The following HLA-E variants were observed in gnomAD, a reference collection of about 807,000 sequenced individuals.
HLA-E encodes the protein HLA class I histocompatibility antigen, alpha chain E.
In HLA-E, 25 loss-of-function variants were observed where a neutral mutation model predicts 43.4. The observed-to-expected ratio is 0.58, with a 90% CI of 0.42 to 0.80. The LOEUF is 0.80. Among genes scored for constraint, HLA-E ranks in the 30% least tolerant of loss-of-function variants. The pLI is 0.00. For synonymous variants in HLA-E, 161 were observed against 197.6 expected (o/e 0.81, Z 1.55); for missense variants, 343 against 470.0 (o/e 0.73, Z 2.50).
In HLA-E at chr6:30,489,844, C is replaced by A; in HGVS notation, c.183C>A (p.Ala61=). ...DTQFVRFDND[A]ASPRMVPRAP... is the part of the protein sequence containing the mutation. ...AGTTCGTGCGCTTCGACAACGACGC[C>A]GCGAGTCCGAGGATGGTGCCGCGGG... The change falls in exon 2 of 8, where the codon GCC becomes GCA. Residue 61 remains alanine (A), a synonymous_variant. Transcript: ENST00000376630. The surrounding 1 kb of genome is among the most constrained non-coding windows in gnomAD (Gnocchi z 5.6). 1 of 1,613,060 alleles carries A rather than the reference C, an allele frequency of 6.2e-7. No homozygotes were observed. The highest frequency in any genetic ancestry group is 8.5e-7 in the Non-Finnish European group (1 of 1,180,012).
At position 30,490,477 on chromosome 6, in the gene HLA-E, A is replaced by T; in HGVS notation, c.572A>T (p.Lys191Ile). ...GACACATGCGTGGAGTGGCTCCACA[A>T]ATACCTGGAGAAGGGGAAGGAGACG... ...LEDTCVEWLHKYLEKGKETLL... is the reference protein window; with the variant it reads ...LEDTCVEWLHIYLEKGKETLL... Residue 191 changes from lysine to isoleucine, a missense_variant, in exon 3 of 8, where the codon AAA (lysine) becomes ATA (isoleucine). Around this residue, in one of 3 missense-constraint regions of HLA-E, gnomAD observed 190 missense variants for 283.6 expected, o/e 0.67. Transcript: ENST00000376630. The surrounding 1 kb of genome is among the most constrained non-coding windows in gnomAD (Gnocchi z 6.6). 1 of 1,612,998 alleles carries T rather than the reference A, an allele frequency of 6.2e-7. No homozygotes were observed. Among genetic ancestry groups the T allele is most frequent in the Non-Finnish European group, 8.5e-7 (1 of 1,179,994 alleles).
rs183165297 is a variant in HLA-E at position 30,491,800 on chromosome 6, T to C, written c.1003+147T>C. On this transcript the variant is annotated intron_variant, in intron 5 of 7. Transcript: ENST00000376630. The surrounding 1 kb of genome is among the most constrained non-coding windows in gnomAD (Gnocchi z 5.4). The stretch of plus-strand genomic sequence containing the variant: ...GCCTGGGGCCCTGTGTGCCAGCACC[T>C]ACTCTTTTTTTTTGAGACGGAGTCT... 1.1e-3 allele frequency: 716 copies of C among 659,474 alleles called. 4 individuals are homozygous for C. The highest frequency in any genetic ancestry group is 0.01 in the African/African-American group (573 of 54,980). The allele number at this position is 659,474 out of a possible 1,614,324, so 40.9% of individuals were successfully genotyped here.
Position 30,492,972 on chromosome 6 carries a change from T to G in HLA-E, c.*226T>G. 3.6e-6 allele frequency: 1 copy of G among 278,592 alleles called. No individual in the cohort carries two copies. The highest frequency in any genetic ancestry group is 6.7e-6 in the Non-Finnish European group (1 of 149,714). 17.3% of individuals were successfully genotyped at this position (278,592 alleles called of 1,614,324 possible). A position where few individuals can be genotyped will look rare whatever the true frequency, so the allele number is the denominator to read the frequency against. On this transcript the variant is annotated 3_prime_UTR_variant, in exon 8 of 8. Transcript: ENST00000376630. This position sits in a 1 kb window ranked among gnomAD's most constrained non-coding sequence, Gnocchi z 4.5. ...ACCCCCTTCCTCACACTGACCTGTG[T>G]TCCTTCCCTGTTCTCTTTTCTATTA...
Position 30,492,800 on chromosome 6 carries a change from G to A in HLA-E, c.*54G>A, listed in dbSNP as rs995878044. ...TGAGATGCACAGCTGCCTTGTGTGCGACTGAGATGCAGGATTTCCTCACGC... is the reference window on the plus strand; with the variant it reads ...TGAGATGCACAGCTGCCTTGTGTGCAACTGAGATGCAGGATTTCCTCACGC... On this transcript the variant is annotated 3_prime_UTR_variant, in exon 8 of 8. Coordinates refer to ENST00000376630, the MANE Select transcript of HLA-E (RefSeq NM_005516.6). The surrounding 1 kb of genome is among the most constrained non-coding windows in gnomAD (Gnocchi z 4.5). 3.0e-6 allele frequency: 2 copies of A among 673,098 alleles called. No individual in the cohort carries two copies. The highest frequency in any genetic ancestry group is 1.8e-5 in the South Asian group (1 of 54,348). The allele number at this position is 673,098 out of a possible 1,614,324, so 41.7% of individuals were successfully genotyped here. A position where few individuals can be genotyped will look rare whatever the true frequency, so the allele number is the denominator to read the frequency against.
In HLA-E at chr6:30,491,018, G is replaced by A. The variant is rs1299497137; in HGVS notation, c.611-119G>A. 2.1e-6 allele frequency: 3 copies of A among 1,396,624 alleles called. No homozygotes were observed. The highest frequency in any genetic ancestry group is 2.9e-5 in the African/African-American group (2 of 69,510). The allele number at this position is 1,396,624 out of a possible 1,614,324, so 86.5% of individuals were successfully genotyped here. ...TCCCTAAGTCCAGGCTGGTGTCAAG[G>A]TTTTGTCCTCTTCTCCTACTATAAT... On this transcript the variant is annotated intron_variant, in intron 3 of 7. Transcript: ENST00000376630. This position sits in a 1 kb window ranked among gnomAD's most constrained non-coding sequence, Gnocchi z 5.4.
At position 30,493,434 on chromosome 6, in the gene HLA-E, G is replaced by A. The variant is rs1796674684; in HGVS notation, c.*688G>A. The A allele has an allele frequency of 6.6e-6, 1 of 152,166 alleles. No individual in the cohort carries two copies. Among genetic ancestry groups the A allele is most frequent in the Non-Finnish European group, 1.5e-5 (1 of 68,042 alleles). 9.4% of individuals were successfully genotyped at this position (152,166 alleles called of 1,614,324 possible). ...CCACAGCACATCTCTAGCAAATTTA[G>A]CCTATTCCTATTCTCTAGCCTATTC... On this transcript the variant is annotated 3_prime_UTR_variant, in exon 8 of 8. Coordinates refer to ENST00000376630, the MANE Select transcript of HLA-E (RefSeq NM_005516.6). The surrounding 1 kb of genome is among the most constrained non-coding windows in gnomAD (Gnocchi z 5.5).
At position 30,490,138 on chromosome 6, in the gene HLA-E, C is replaced by T. The variant is rs1796439596; in HGVS notation, c.335-102C>T. On this transcript the variant is annotated intron_variant, in intron 2 of 7. Transcript: ENST00000376630. This position sits in a 1 kb window ranked among gnomAD's most constrained non-coding sequence, Gnocchi z 6.6. ...ACCCTAGACCGGGGAGAGTCTCAGG[C>T]GCCTTTACCCGGTTCTTTTTCAGTT... 1 of 1,508,326 alleles carries T rather than the reference C, an allele frequency of 6.6e-7. No individual in the cohort carries two copies. The highest frequency in any genetic ancestry group is 1.2e-5 in the South Asian group (1 of 81,274). 93.4% of individuals were successfully genotyped at this position (1,508,326 alleles called of 1,614,324 possible).
Position 30,490,359 on chromosome 6 carries a change from C to T in HLA-E, c.454C>T (p.Arg152Cys). Reference sequence around the variant, plus strand: ...TTATCTCACCCTGAATGAGGACCTGCGCTCCTGGACCGCGGTGGACACGGC... The same window carrying T: ...TTATCTCACCCTGAATGAGGACCTGTGCTCCTGGACCGCGGTGGACACGGC... ...KDYLTLNEDL[R>C]SWTAVDTAAQ... The change falls in exon 3 of 8, where the codon CGC becomes TGC. Residue 152 changes from arginine (R) to cysteine (C), a missense_variant. Physicochemically the swap from Arg to Cys is radical, Grantham distance 180. This residue lies in a region of HLA-E where 190 missense variants were observed against 283.6 expected (regional missense o/e 0.67). Coordinates refer to ENST00000376630, the MANE Select transcript of HLA-E (RefSeq NM_005516.6). The surrounding 1 kb of genome is among the most constrained non-coding windows in gnomAD (Gnocchi z 6.6). 1.9e-6 allele frequency: 3 copies of T among 1,612,892 alleles called. No individual in the cohort carries two copies. The highest frequency in any genetic ancestry group is 2.5e-6 in the Non-Finnish European group (3 of 1,179,958).
rs1796485452 is a variant in HLA-E, at chr6:30,490,789, A to T, written c.610+274A>T. The stretch of plus-strand genomic sequence containing the variant: ...ATGAACTGATGAGCAGTTCTCTTTG[A>T]CTCCCAGTATTAGGAATCACGGGGG... On this transcript the variant is annotated intron_variant, in intron 3 of 7. Transcript: ENST00000376630. This position sits in a 1 kb window ranked among gnomAD's most constrained non-coding sequence, Gnocchi z 6.6. Among the ~76,000 whole-genome samples the T allele has an allele frequency of 6.6e-6, 1 of 151,782 alleles. No homozygotes were observed. The highest frequency in any genetic ancestry group is 2.4e-5 in the African/African-American group (1 of 41,290).
chr6:30,491,331 G>T lies in HLA-E; in HGVS notation c.805G>T (p.Val269Leu), dbSNP rs1338142002. 2 of 1,614,110 alleles carry T rather than the reference G, an allele frequency of 1.2e-6. No individual in the cohort carries two copies. ...DGTFQKWAAVVVPSGEEQRYT... is the reference protein window; with the variant it reads ...DGTFQKWAAVLVPSGEEQRYT... Reference sequence around the variant, plus strand: ...AACCTTCCAGAAGTGGGCAGCTGTGGTGGTGCCTTCTGGAGAGGAGCAGAG... The same window carrying T: ...AACCTTCCAGAAGTGGGCAGCTGTGTTGGTGCCTTCTGGAGAGGAGCAGAG... Residue 269 changes from valine to leucine, a missense_variant, in exon 4 of 8, where the codon GTG (valine) becomes TTG (leucine). By Grantham distance (32) the Val-to-Leu change is conservative. Transcript: ENST00000376630. The surrounding 1 kb of genome is among the most constrained non-coding windows in gnomAD (Gnocchi z 5.4).
rs777079808 is a variant in HLA-E, at chr6:30,493,975, A to G, written c.*1229A>G. ...TCGAGCAGCCACGTAGGCTGCACCCAGCAAAGCCACAGGCACGGGGCTACC... is the reference window on the plus strand; with the variant it reads ...TCGAGCAGCCACGTAGGCTGCACCCGGCAAAGCCACAGGCACGGGGCTACC... On this transcript the variant is annotated 3_prime_UTR_variant, in exon 8 of 8. Transcript: ENST00000376630. The surrounding 1 kb of genome is among the most constrained non-coding windows in gnomAD (Gnocchi z 5.5). The G allele has an allele frequency of 5.3e-5, 8 of 152,274 alleles. No individual in the cohort carries two copies. The highest frequency in any genetic ancestry group is 1.9e-4 in the African/African-American group (8 of 41,464). 9.4% of individuals were successfully genotyped at this position (152,274 alleles called of 1,614,324 possible). A position where few individuals can be genotyped will look rare whatever the true frequency, so the allele number is the denominator to read the frequency against.
rs1796383111 is a variant in HLA-E at position 30,489,561 on chromosome 6, C to T, written c.30C>T (p.Leu10=). The change falls in exon 1 of 8, where the codon CTC becomes CTT. Residue 10 remains leucine (L), a synonymous_variant. Transcript: ENST00000376630. The surrounding 1 kb of genome is among the most constrained non-coding windows in gnomAD (Gnocchi z 5.6). Reference sequence around the variant, plus strand: ...TAGATGGAACCCTCCTTTTACTCCTCTCGGAGGCCCTGGCCCTTACCCAGA... The same window carrying T: ...TAGATGGAACCCTCCTTTTACTCCTTTCGGAGGCCCTGGCCCTTACCCAGA... MVDGTLLLL[L]SEALALTQTW... is the part of the protein sequence containing the mutation. The T allele has an allele frequency of 6.5e-7, 1 of 1,534,620 alleles. No homozygotes were observed. The highest frequency in any genetic ancestry group is 2.2e-5 in the Admixed American group (1 of 45,952).
In HLA-E at chr6:30,491,296, C is replaced by T; in HGVS notation, c.770C>T (p.Ala257Val). 4 of 1,614,220 alleles carry T rather than the reference C, an allele frequency of 2.5e-6. No individual in the cohort carries two copies. Among genetic ancestry groups the T allele is most frequent in the Non-Finnish European group, 3.4e-6 (4 of 1,180,044 alleles). ...QDTELVETRP[A>V]GDGTFQKWAA... ...ACGGAGCTCGTGGAGACCAGGCCTG[C>T]AGGGGATGGAACCTTCCAGAAGTGG... The change falls in exon 4 of 8, where the codon GCA (alanine) becomes GTA (valine). Residue 257 changes from alanine (A) to valine (V), a missense_variant. Physicochemically the swap from Ala to Val is moderately conservative, Grantham distance 64. This residue lies in a region of HLA-E where 190 missense variants were observed against 283.6 expected (regional missense o/e 0.67). Transcript: ENST00000376630. The surrounding 1 kb of genome is among the most constrained non-coding windows in gnomAD (Gnocchi z 5.4).
At position 30,491,764 on chromosome 6, in the gene HLA-E, G is replaced by A. The variant is rs1796559390; in HGVS notation, c.1003+111G>A. The A allele has an allele frequency of 6.9e-6, 6 of 872,402 alleles. No homozygotes were observed. The highest frequency in any genetic ancestry group is 1.6e-5 in the South Asian group (1 of 62,522). The allele number at this position is 872,402 out of a possible 1,614,324, so 54.0% of individuals were successfully genotyped here. ...ACTGGGAAGCACCATCCACACACAC[G>A]AGCCTACCCAGCCTGGGGCCCTGTG... On this transcript the variant is annotated intron_variant, in intron 5 of 7. Transcript: ENST00000376630. This position sits in a 1 kb window ranked among gnomAD's most constrained non-coding sequence, Gnocchi z 5.4.
Position 30,489,664 on chromosome 6 carries a change from A to C in HLA-E, c.65-62A>C. The C allele has an allele frequency of 6.2e-7, 1 of 1,608,824 alleles. No homozygotes were observed. Among genetic ancestry groups the C allele is most frequent in the East Asian group, 2.2e-5 (1 of 44,818 alleles). ...AGAGGGGCCGGCCCGGCGGGGGCGAAGGACTCGGGGAGCCGCGCCGGGAGG... is the reference window on the plus strand; with the variant it reads ...AGAGGGGCCGGCCCGGCGGGGGCGACGGACTCGGGGAGCCGCGCCGGGAGG... On this transcript the variant is annotated intron_variant, in intron 1 of 7. Transcript: ENST00000376630. The surrounding 1 kb of genome is among the most constrained non-coding windows in gnomAD (Gnocchi z 5.6).
Position 30,492,088 on chromosome 6 carries a change from A to G in HLA-E, c.1004-316A>G, listed in dbSNP as rs936430318. Among the ~76,000 whole-genome samples the G allele has an allele frequency of 6.6e-6, 1 of 152,002 alleles. No homozygotes were observed. Among genetic ancestry groups the G allele is most frequent in the African/African-American group, 2.4e-5 (1 of 41,344 alleles). ...AGTGCTGGGATTACAGTCGTGAGCC[A>G]CCGCACCCAGCCGCACCTACTCTTT... On this transcript the variant is annotated intron_variant, in intron 5 of 7. Coordinates refer to ENST00000376630, the MANE Select transcript of HLA-E (RefSeq NM_005516.6). This position sits in a 1 kb window ranked among gnomAD's most constrained non-coding sequence, Gnocchi z 4.5.
In HLA-E at chr6:30,493,089, C is replaced by T. The variant is rs149714735; in HGVS notation, c.*343C>T. On this transcript the variant is annotated 3_prime_UTR_variant, in exon 8 of 8. Transcript: ENST00000376630. The surrounding 1 kb of genome is among the most constrained non-coding windows in gnomAD (Gnocchi z 5.5). Reference sequence around the variant, plus strand: ...AGGGCAGATCACGAGGTCAGGAGATCGAAACCATCCTGGCTAACACGGTGA... The same window carrying T: ...AGGGCAGATCACGAGGTCAGGAGATTGAAACCATCCTGGCTAACACGGTGA... 5.4e-4 allele frequency: 85 copies of T among 157,608 alleles called. 2 individuals carry two copies. In the East Asian group the frequency reaches 0.011, roughly 20 times the overall value. 9.8% of individuals were successfully genotyped at this position (157,608 alleles called of 1,614,324 possible).
rs759784890 is a variant in HLA-E at position 30,490,036 on chromosome 6, C to T, written c.334+41C>T. The T allele has an allele frequency of 1.3e-6, 2 of 1,570,716 alleles. No individual in the cohort carries two copies. Among genetic ancestry groups the T allele is most frequent in the African/African-American group, 1.3e-5 (1 of 74,156 alleles). On this transcript the variant is annotated intron_variant, in intron 2 of 7. Transcript: ENST00000376630. This position sits in a 1 kb window ranked among gnomAD's most constrained non-coding sequence, Gnocchi z 6.6. Reference sequence around the variant, plus strand: ...CAGGGGAGCAGGTCACGACCCCTCCCCATCCCCCACGGACGGCGCGGGTCC... The same window carrying T: ...CAGGGGAGCAGGTCACGACCCCTCCTCATCCCCCACGGACGGCGCGGGTCC...
At position 30,490,289 on chromosome 6, in the gene HLA-E, G is replaced by A. The variant is rs1171649870; in HGVS notation, c.384G>A (p.Gly128=). 6.2e-7 allele frequency: 1 copy of A among 1,613,066 alleles called. No homozygotes were observed. Among genetic ancestry groups the A allele is most frequent in the South Asian group, 1.1e-5 (1 of 91,086 alleles). Residue 128 remains glycine, a synonymous_variant, in exon 3 of 8, where the codon GGG becomes GGA. Transcript: ENST00000376630. The surrounding 1 kb of genome is among the most constrained non-coding windows in gnomAD (Gnocchi z 6.6). The part of the protein sequence containing the change: ...WMHGCELGPD[G]RFLRGYEQFA... ...ATGGCTGCGAGCTGGGGCCCGACGG[G>A]CGCTTCCTCCGCGGGTATGAACAGT... is the stretch of plus-strand genomic sequence containing the variant.
Sources: allele counts gnomAD v4.1 joint callset (sites outside exome capture counted in the v4.1 genomes callset), GRCh38; gene constraint gnomAD v4.1.1; regional missense constraint gnomAD v4.1.1; non-coding constraint Gnocchi (gnomAD v3.1); transcripts MANE v1.5; gene names NCBI Gene and HGNC (gene_info 2026-07-23, HGNC 2026-07-21).